The following RAB38 variants were observed in gnomAD, a reference collection of about 807,000 sequenced individuals.
RAB38 encodes the protein RAB38, member RAS oncogene family, also known as ras-related protein Rab-38.
RAB38 carries 15 observed loss-of-function variants against 18.4 expected under a neutral mutation model. The ratio of observed to expected loss-of-function variants is 0.82; its 90% CI spans 0.55 to 1.26. The LOEUF is 1.26. RAB38 is among the 50% of genes most tolerant of loss of function. The pLI is 0.00. For missense variants in RAB38, 294 were observed against 267.4 expected (o/e 1.10, Z -0.69); for synonymous variants, 101 against 104.4 (o/e 0.97, Z 0.20).
the RAB38 span, among the ~76,000 whole-genome samples, chr11:87,974,686 T>A: frequency 6.7e-6 from 1 of 150,308 alleles, no homozygotes; most frequent in Non-Finnish European, 1.5e-5. Context: ...GATTTTTTTT[T>A]AATCTGCTGA....
At chr11:88,030,458 T>C in the RAB38 span, among the ~76,000 whole-genome samples, 1 of 151,804 alleles carries the variant, frequency 6.6e-6, no homozygotes, top group Admixed American at 6.6e-5. Context: ...TTTGAAAGGA[T>C]CAACAAAATT....
chr11:88,034,168 T>C, the RAB38 span, among the ~76,000 whole-genome samples: 3,414 of 152,328 alleles, frequency 0.022, 109 homozygotes, highest in East Asian at 0.15. Flanking sequence ...CATTTGGGAT[T>C]CGCTTTTTTT....
the RAB38 span, among the ~76,000 whole-genome samples, chr11:87,885,941 T>C: frequency 1.3e-5 from 2 of 152,022 alleles, no homozygotes; most frequent in South Asian, 2.1e-4. Flanking sequence ...TTTTCTGGTA[T>C]TCTGTTGGGA....
rs192861097 is a variant in RAB38, at chr11:88,130,066, G to A, written c.484-15926C>T. Reference sequence around the variant, plus strand: ...GAAGTATTCCACAAACTGGAAAATAGAAATATCTAAGAATGAATGGAAAAC... The same window carrying A: ...GAAGTATTCCACAAACTGGAAAATAAAAATATCTAAGAATGAATGGAAAAC... On this transcript the variant is annotated intron_variant, in intron 2 of 2. Transcript: ENST00000243662. Among the ~76,000 whole-genome samples, 639 of 152,186 alleles carry A rather than the reference G, an allele frequency of 4.2e-3. 8 individuals carry two copies. Among genetic ancestry groups the A allele is most frequent in the African/African-American group, 0.015 (612 of 41,540 alleles).
At chr11:87,910,628 A>ATTT in the RAB38 span, among the ~76,000 whole-genome samples, 4 of 74,178 alleles carry the variant, frequency 5.4e-5, 1 homozygote, top group African/African-American at 1.8e-4. Flanking sequence ...TTCAAAGTTC[A>ATTT]TTTTCTTTTT....
chr11:88,023,010 G>A, the RAB38 span, among the ~76,000 whole-genome samples: 1 of 152,156 alleles, frequency 6.6e-6, no homozygotes, highest in Non-Finnish European at 1.5e-5. Flanking sequence ...AGGGTATAGA[G>A]TGAGAGGAAG....
chr11:88,033,193 C>G, the RAB38 span, among the ~76,000 whole-genome samples: 71 of 150,668 alleles, frequency 4.7e-4, no homozygotes, highest in African/African-American at 1.6e-3. Context: ...CACATGGACA[C>G]AGGAAGGGGA....
chr11:87,847,918 A>G, the RAB38 span, among the ~76,000 whole-genome samples: 6 of 152,154 alleles, frequency 3.9e-5, no homozygotes, highest in African/African-American at 1.2e-4. Context: ...CTAAGAGAAT[A>G]CAAACCTTGA....
chr11:88,042,297 C>G, the RAB38 span, among the ~76,000 whole-genome samples: 2 of 152,190 alleles, frequency 1.3e-5, no homozygotes, highest in African/African-American at 4.8e-5. Context: ...CAGCCGGTTC[C>G]TGCACACAGC....
the RAB38 span, among the ~76,000 whole-genome samples, chr11:87,946,066 C>A: frequency 6.6e-6 from 1 of 152,074 alleles, no homozygotes; most frequent in Non-Finnish European, 1.5e-5. Flanking sequence ...AGAATTTAAA[C>A]CTTGATTTCT....
At chr11:88,106,341 C>G in the RAB38 span, among the ~76,000 whole-genome samples, 1 of 152,120 alleles carries the variant, frequency 6.6e-6, no homozygotes, top group Non-Finnish European at 1.5e-5. Context: ...ATTTATGTTA[C>G]ACATCTGGCA....
the RAB38 span, among the ~76,000 whole-genome samples, chr11:87,907,911 T>A: frequency 6.6e-6 from 1 of 151,782 alleles, no homozygotes; most frequent in Non-Finnish European, 1.5e-5. Context: ...AATTCTAATA[T>A]ATATAAGCAC....
At chr11:88,026,964 T>G in the RAB38 span, among the ~76,000 whole-genome samples, 1 of 152,212 alleles carries the variant, frequency 6.6e-6, no homozygotes, top group African/African-American at 2.4e-5. Flanking sequence ...TTCAGTTCAA[T>G]GTTTATATAT....
At chr11:88,085,838 A>C in the RAB38 span, among the ~76,000 whole-genome samples, 1 of 151,906 alleles carries the variant, frequency 6.6e-6, no homozygotes. Context: ...ACAAACAAAC[A>C]AACAAAAAAT....
chr11:88,085,622 A>ATT, the RAB38 span, among the ~76,000 whole-genome samples: 1 of 151,952 alleles, frequency 6.6e-6, no homozygotes, highest in South Asian at 2.1e-4. Context: ...TATGAAATAA[A>ATT]TGGGGATTAC....
At chr11:87,874,029 T>G in the RAB38 span, among the ~76,000 whole-genome samples, 5 of 150,070 alleles carry the variant, frequency 3.3e-5, no homozygotes, top group South Asian at 4.2e-4. Context: ...TTTCTTTGTG[T>G]TACTTTTTGA....
At chr11:87,937,340 ATATATATATATC>A in the RAB38 span, among the ~76,000 whole-genome samples, 159 of 118,080 alleles carry the variant, frequency 1.3e-3, 1 homozygote, top group Non-Finnish European at 2.2e-3. Context: ...ATATATATAT[ATATATATATATC>A]ATAATTCTAT....
chr11:88,032,791 A>G, the RAB38 span, among the ~76,000 whole-genome samples: 1 of 152,236 alleles, frequency 6.6e-6, no homozygotes, highest in Non-Finnish European at 1.5e-5. Flanking sequence ...ACTGTAAACT[A>G]GTTCAATGAT....
chr11:88,143,517 T>C (rs1158643388), intron 2 of RAB38, among the ~76,000 whole-genome samples: 2 of 151,760 alleles, frequency 1.3e-5, no homozygotes, highest in African/African-American at 4.8e-5. Context: ...GGCCCACAGA[T>C]CATAGTTTGC....
Sources: gnomAD v4.1 joint callset for allele counts (sites outside exome capture counted in the v4.1 genomes callset) on GRCh38, gnomAD v4.1.1 for gene constraint, MANE v1.5 for transcripts, NCBI Gene and HGNC (gene_info 2026-07-23, HGNC 2026-07-21) for gene names.